The following HEPHL1 variants were observed in gnomAD, a reference collection of about 807,000 sequenced individuals.
HEPHL1 encodes the protein ferroxidase HEPHL1.
HEPHL1 carries 123 observed loss-of-function variants against 122.0 expected under a neutral mutation model. That is an observed-to-expected ratio of 1.01 (90% confidence interval 0.87 to 1.17). The LOEUF is 1.17. Among genes scored for constraint, HEPHL1 ranks in the 50% most tolerant of loss-of-function variants. The pLI, the probability that HEPHL1 is intolerant of heterozygous loss-of-function variation, is 0.00. For synonymous variants in HEPHL1, 527 were observed against 508.9 expected, an observed-to-expected ratio of 1.04 and a Z score of -0.48; for missense variants, 1,452 against 1,430.5, an observed-to-expected ratio of 1.01 and a Z score of -0.24.
At position 94,111,804 on chromosome 11, in the gene HEPHL1, G is replaced by A. The variant is rs118037969; in HGVS notation, c.3390G>A (p.Thr1130=). 8.7e-3 allele frequency: 13,655 copies of A among 1,572,764 alleles called. 83 individuals are homozygous for A. The highest frequency in any genetic ancestry group is 0.011 in the Non-Finnish European group (12,354 of 1,161,436). The change falls in exon 20 of 20, where the codon ACG becomes ACA. Residue 1130 remains threonine, a synonymous_variant. Coordinates refer to ENST00000315765, the MANE Select transcript of HEPHL1 (RefSeq NM_001098672.2). The part of the protein sequence containing the change: ...FIIGLLLLIT[T]VILSLRLCSA... ...TTGGACTCCTCCTTCTAATCACCAC[G>A]GTGATTCTCTCCCTCAGACTCTGCT...
intron 16 of HEPHL1, among the ~76,000 whole-genome samples, chr11:94,105,415 C>G (rs551909741): frequency 5.3e-5 from 8 of 152,286 alleles, no homozygotes; most frequent in Non-Finnish European, 1.2e-4. Context: ...GAATGCAGGT[C>G]ATTTGGTTGC....
chr11:94,085,402 G>T (rs1946208520), intron 10 of HEPHL1, among the ~76,000 whole-genome samples: 2 of 152,042 alleles, frequency 1.3e-5, no homozygotes, highest in South Asian at 2.1e-4. Context: ...TTTACTCAAA[G>T]ACTAACCTCA....
In HEPHL1 at chr11:94,070,393, C is replaced by T. The variant is rs759370605; in HGVS notation, c.1083C>T (p.Tyr361=). ...CTGCAGCTGGTATGCTGGGGCAATA[C>T]AATGTTGATAACTGCAAAAGTGATA... ...DHLQAGMLGQ[Y]NVDNCKSDIF... The change falls in exon 6 of 20, where the codon TAC becomes TAT. Residue 361 remains tyrosine, a synonymous_variant. Transcript: ENST00000315765. 1.8e-5 allele frequency: 29 copies of T among 1,598,080 alleles called. No individual in the cohort carries two copies. Among genetic ancestry groups the T allele is most frequent in the Admixed American group, 3.5e-5 (2 of 57,688 alleles).
At chr11:94,100,057 C>T (rs889342902) in intron 13 of HEPHL1, among the ~76,000 whole-genome samples, 42 of 152,254 alleles carry the variant, frequency 2.8e-4, no homozygotes, top group African/African-American at 8.4e-4. Flanking sequence ...GAGATGAACC[C>T]GGTACCTCAG....
intron 14 of HEPHL1, among the ~76,000 whole-genome samples, chr11:94,102,105 C>T (rs1946372221): frequency 6.6e-6 from 1 of 152,214 alleles, no homozygotes; most frequent in African/African-American, 2.4e-5. Context: ...ATAGGTATGG[C>T]ACTGTCTGTG....
intron 2 of HEPHL1, among the ~76,000 whole-genome samples, chr11:94,048,114 T>C (rs113554853): frequency 9.2e-4 from 140 of 152,304 alleles, no homozygotes; most frequent in African/African-American, 3.2e-3. Flanking sequence ...CTTATTTCAC[T>C]TAGCATAATA....
At chr11:94,056,238 T>C (rs1231828875) in intron 2 of HEPHL1, among the ~76,000 whole-genome samples, 1 of 152,200 alleles carries the variant, frequency 6.6e-6, no homozygotes, top group East Asian at 1.9e-4. Flanking sequence ...CTTATTTGTG[T>C]CTTTCAATGT....
At chr11:94,075,436 T>C in intron 9 of HEPHL1, 51 bp downstream of exon 9, 2 of 1,288,682 alleles carry the variant, frequency 1.6e-6, no homozygotes, top group African/African-American at 5.2e-5. Context: ...GTGGGAGAGA[T>C]CCGCAAGAGC....
At position 94,085,998 on chromosome 11, in the gene HEPHL1, G is replaced by A; in HGVS notation, c.1889G>A (p.Gly630Asp). ...TTAGCTGTTAACGGCTACATGTATGGCAACCAGCCAGGCTTAAACATGTGT... is the reference window on the plus strand; with the variant it reads ...TTAGCTGTTAACGGCTACATGTATGACAACCAGCCAGGCTTAAACATGTGT... Reference protein sequence around the residue: ...RMHAVNGYMYGNQPGLNMCKR... With the variant: ...RMHAVNGYMYDNQPGLNMCKR... Residue 630 changes from glycine to aspartate, a missense_variant, in exon 11 of 20, where the codon GGC becomes GAC. Transcript: ENST00000315765. 2 of 1,613,696 alleles carry A rather than the reference G, an allele frequency of 1.2e-6. No individual in the cohort carries two copies. Among genetic ancestry groups the A allele is most frequent in the East Asian group, 2.2e-5 (1 of 44,876 alleles).
At position 94,059,891 on chromosome 11, in the gene HEPHL1, A is replaced by G. The variant is rs1945970390; in HGVS notation, c.416-3617A>G. On this transcript the variant is annotated intron_variant, in intron 2 of 19. Transcript: ENST00000315765. ...TCTAGAACAATTGTTATTTGTAGTGATTTGTATCATATAATCAATTCAAAA... is the reference window on the plus strand; with the variant it reads ...TCTAGAACAATTGTTATTTGTAGTGGTTTGTATCATATAATCAATTCAAAA... 3.9e-5 allele frequency among the ~76,000 whole-genome samples: 6 copies of G among 151,962 alleles called. No individual in the cohort carries two copies. The South Asian group carries it at 1.2e-3, about 32-fold the overall frequency.
Position 94,075,305 on chromosome 11 carries a change from C to A in HEPHL1, c.1636C>A (p.Pro546Thr). The A allele has an allele frequency of 6.2e-7, 1 of 1,613,544 alleles. No individual in the cohort carries two copies. The highest frequency in any genetic ancestry group is 8.5e-7 in the Non-Finnish European group (1 of 1,179,662). Residue 546 changes from proline to threonine, a missense_variant, in exon 9 of 20, where the codon CCA (proline) becomes ACA (threonine). By Grantham distance (38) the Pro-to-Thr change is conservative. Coordinates refer to ENST00000315765, the MANE Select transcript of HEPHL1 (RefSeq NM_001098672.2). Reference sequence around the variant, plus strand: ...CTATCTTTACTTCTCAGCAGTTGATCCAATTAAGGACACCAGCTCTGGCCT... The same window carrying A: ...CTATCTTTACTTCTCAGCAGTTGATACAATTAAGGACACCAGCTCTGGCCT... ...LTYLYFSAVD[P>T]IKDTSSGLVG...
At chr11:94,053,716 G>T (rs985951242) in intron 2 of HEPHL1, among the ~76,000 whole-genome samples, 3 of 151,958 alleles carry the variant, frequency 2.0e-5, no homozygotes, top group South Asian at 2.1e-4. Context: ...TTGACCTGTG[G>T]GTTACTTAGA....
intron 9 of HEPHL1, among the ~76,000 whole-genome samples, chr11:94,079,252 T>C (rs1021598513): frequency 6.6e-6 from 1 of 152,210 alleles, no homozygotes; most frequent in African/African-American, 2.4e-5. Context: ...TTAGAGAGGA[T>C]AAATCACTTG....
chr11:94,076,890 C>T (rs1946130094), intron 9 of HEPHL1, among the ~76,000 whole-genome samples: 1 of 152,304 alleles, frequency 6.6e-6, no homozygotes, highest in African/African-American at 2.4e-5. Context: ...TAGTCCTCCA[C>T]ACTAACCATT....
intron 2 of HEPHL1, among the ~76,000 whole-genome samples, chr11:94,047,250 G>A (rs1001537551): frequency 1.3e-5 from 2 of 152,214 alleles, no homozygotes; most frequent in Admixed American, 6.5e-5. Context: ...GTGCAGGTTC[G>A]TTACATAGGT....
intron 2 of HEPHL1, among the ~76,000 whole-genome samples, chr11:94,060,444 A>G (rs1323151357): frequency 6.6e-6 from 1 of 152,140 alleles, no homozygotes; most frequent in East Asian, 1.9e-4. Context: ...CTGAAAGGCT[A>G]CTATATACCA....
chr11:94,041,323 C>T lies in HEPHL1; in HGVS notation c.171-4350C>T, dbSNP rs1468334196. On this transcript the variant is annotated intron_variant, in intron 1 of 19. Transcript: ENST00000315765. Reference sequence around the variant, plus strand: ...CCAAGGTAATTTACAGATTCAATGCCGTCCCCATCAAGCTACCAATGACTT... The same window carrying T: ...CCAAGGTAATTTACAGATTCAATGCTGTCCCCATCAAGCTACCAATGACTT... 6.8e-5 allele frequency among the ~76,000 whole-genome samples: 10 copies of T among 146,188 alleles called. No homozygotes were observed. The South Asian group carries it at 2.0e-3, about 30-fold the overall frequency.
chr11:94,078,696 A>G (rs1946146448), intron 9 of HEPHL1, among the ~76,000 whole-genome samples: 1 of 152,086 alleles, frequency 6.6e-6, no homozygotes, highest in Non-Finnish European at 1.5e-5. Context: ...TCCTAGTTCA[A>G]GGACAGTCAG....
chr11:94,049,973 T>A (rs1356058494), intron 2 of HEPHL1, among the ~76,000 whole-genome samples: 1 of 152,094 alleles, frequency 6.6e-6, no homozygotes, highest in African/African-American at 2.4e-5. Context: ...CTTACCAACA[T>A]TGAGTCTTTC....
Sources: allele counts gnomAD v4.1 joint callset (sites outside exome capture counted in the v4.1 genomes callset), GRCh38; gene constraint gnomAD v4.1.1; transcripts MANE v1.5; gene names NCBI Gene and HGNC (gene_info 2026-07-23, HGNC 2026-07-21).